Variants in LDB2 observed in about 807,000 individuals in gnomAD.
LDB2 encodes LIM domain-binding protein 2.
In LDB2, 12 loss-of-function variants were observed where a neutral mutation model predicts 44.3. The ratio of observed to expected loss-of-function variants is 0.27; its 90% CI spans 0.17 to 0.44. LDB2 has a LOEUF of 0.44. Ranked by LOEUF, LDB2 falls within the 20% of genes least tolerant of loss-of-function variation. The pLI, the probability that LDB2 is intolerant of heterozygous loss-of-function variation, is 1.00. For missense variants in LDB2, 344 were observed against 473.5 expected (o/e 0.73, Z 2.54); for synonymous variants, 164 against 174.8 (o/e 0.94, Z 0.49).
At chr4:16,800,212 C>G (rs547637150) in intron 1 of LDB2, among the ~76,000 whole-genome samples, 1 of 152,272 alleles carries the variant, frequency 6.6e-6, no homozygotes, top group South Asian at 2.1e-4. Context: ...TCCTGTCCAT[C>G]TGGGTTATCT....
At chr4:16,686,877 G>A (rs567151821) in intron 2 of LDB2, among the ~76,000 whole-genome samples, 1 of 152,028 alleles carries the variant, frequency 6.6e-6, no homozygotes, top group Non-Finnish European at 1.5e-5. Flanking sequence ...CATAATTTTG[G>A]TGGGGTTGGG....
intron 2 of LDB2, among the ~76,000 whole-genome samples, chr4:16,667,333 C>T (rs1165036497): frequency 2.0e-5 from 3 of 152,140 alleles, no homozygotes; most frequent in Non-Finnish European, 4.4e-5. Context: ...GTGCACGGAG[C>T]CCTGGGTGAC....
chr4:16,796,811 C>T (rs1259722177), intron 1 of LDB2, among the ~76,000 whole-genome samples: 4 of 152,016 alleles, frequency 2.6e-5, no homozygotes. Flanking sequence ...AGTCTTTGTC[C>T]CCAAAACCCA....
intron 5 of LDB2, among the ~76,000 whole-genome samples, chr4:16,544,477 T>C (rs1373093230): frequency 6.6e-6 from 1 of 152,176 alleles, no homozygotes; most frequent in Non-Finnish European, 1.5e-5. Flanking sequence ...AGAACATTAT[T>C]CCATTTAAGC....
intron 2 of LDB2, among the ~76,000 whole-genome samples, chr4:16,665,002 A>G (rs757942193): frequency 1.3e-5 from 2 of 152,200 alleles, no homozygotes; most frequent in Non-Finnish European, 2.9e-5. Flanking sequence ...CCAGGCCCAG[A>G]TAATACAAAG....
At chr4:16,757,445 C>G (rs183104047) in intron 2 of LDB2, among the ~76,000 whole-genome samples, 2 of 152,094 alleles carry the variant, frequency 1.3e-5, no homozygotes, top group Admixed American at 1.3e-4. Flanking sequence ...AGGCGATGAT[C>G]GTGATTCACT....
chr4:16,567,749 G>A (rs1221213412), intron 5 of LDB2, among the ~76,000 whole-genome samples: 1 of 152,154 alleles, frequency 6.6e-6, no homozygotes, highest in Non-Finnish European at 1.5e-5. Flanking sequence ...CAGCCTGGGC[G>A]ACAGAGCGAG....
chr4:16,620,919 T>G (rs1348056753), intron 2 of LDB2, among the ~76,000 whole-genome samples: 1 of 152,242 alleles, frequency 6.6e-6, no homozygotes, highest in East Asian at 1.9e-4. Context: ...TACATCTACC[T>G]TTGTCTTATT....
At chr4:16,884,274 C>T (rs1721009562) in intron 1 of LDB2, among the ~76,000 whole-genome samples, 1 of 152,220 alleles carries the variant, frequency 6.6e-6, no homozygotes, top group African/African-American at 2.4e-5. Context: ...TTCCCTAAAA[C>T]AACTCTGTGA....
chr4:16,592,864 C>G (rs2152435388), intron 3 of LDB2, among the ~76,000 whole-genome samples: 1 of 152,178 alleles, frequency 6.6e-6, no homozygotes, highest in African/African-American at 2.4e-5. Context: ...CAGAATCCAC[C>G]AGTGTTCACA....
At chr4:16,702,931 C>T (rs2032792287) in intron 2 of LDB2, among the ~76,000 whole-genome samples, 1 of 152,216 alleles carries the variant, frequency 6.6e-6, no homozygotes, top group Non-Finnish European at 1.5e-5. Flanking sequence ...CATGCACCCT[C>T]CTCACCTGTA....
intron 5 of LDB2, among the ~76,000 whole-genome samples, chr4:16,513,980 A>G (rs888389130): frequency 6.6e-6 from 1 of 152,224 alleles, no homozygotes; most frequent in Non-Finnish European, 1.5e-5. Flanking sequence ...AGTAGGTCAT[A>G]AGACCCACAT....
intron 5 of LDB2, among the ~76,000 whole-genome samples, chr4:16,541,124 G>T (rs906364928): frequency 3.3e-5 from 5 of 152,100 alleles, no homozygotes; most frequent in Non-Finnish European, 5.9e-5. Context: ...CATGTGAAAT[G>T]GTTTGGATAT....
chr4:16,895,224 A>G (rs1724626758), intron 1 of LDB2, among the ~76,000 whole-genome samples: 1 of 152,006 alleles, frequency 6.6e-6, no homozygotes, highest in Admixed American at 6.6e-5. Context: ...TGTAAGAGTT[A>G]GAAATAATAT....
intron 1 of LDB2, among the ~76,000 whole-genome samples, chr4:16,760,760 C>A (rs1348400185): frequency 6.6e-6 from 1 of 152,194 alleles, no homozygotes; most frequent in Non-Finnish European, 1.5e-5. Context: ...GTCCTCAATG[C>A]TCTGGAAGCT....
chr4:16,625,673 G>A (rs1428642494), intron 2 of LDB2, among the ~76,000 whole-genome samples: 4 of 152,170 alleles, frequency 2.6e-5, no homozygotes, highest in Non-Finnish European at 4.4e-5. Context: ...ACTGGGAAGG[G>A]TTCTTGCACA....
At chr4:16,574,501 G>A (rs1454188133) in intron 5 of LDB2, among the ~76,000 whole-genome samples, 1 of 152,150 alleles carries the variant, frequency 6.6e-6, no homozygotes, top group African/African-American at 2.4e-5. Flanking sequence ...CGCAACCAAT[G>A]TATGGACTTG....
chr4:16,605,244 G>A (rs1506465), intron 2 of LDB2, among the ~76,000 whole-genome samples: 55,568 of 151,954 alleles, frequency 0.37, 10,576 homozygotes, highest in East Asian at 0.61. Context: ...AATGCTGACA[G>A]TTATTTAATA....
chr4:16,663,765 T>C (rs959175279), intron 2 of LDB2, among the ~76,000 whole-genome samples: 1 of 152,232 alleles, frequency 6.6e-6, no homozygotes, highest in Non-Finnish European at 1.5e-5. Context: ...ACTACATAGA[T>C]AGATTCTAAT....
Sources: allele counts gnomAD v4.1 joint callset (sites outside exome capture counted in the v4.1 genomes callset), GRCh38; gene constraint gnomAD v4.1.1; transcripts MANE v1.5; gene names NCBI Gene and HGNC (gene_info 2026-07-23, HGNC 2026-07-21).